The following NPAS3 variants were observed in gnomAD, a reference collection of about 807,000 sequenced individuals.
NPAS3 encodes the protein neuronal PAS domain-containing protein 3.
NPAS3 carries 14 observed loss-of-function variants against 73.1 expected under a neutral mutation model. That is an observed-to-expected ratio of 0.19 (90% CI 0.13 to 0.30). The LOEUF is 0.30. NPAS3 is among the 10% of genes least tolerant of loss of function. NPAS3 has a pLI of 1.00. For missense variants in NPAS3, 1,096 were observed against 1,250.0 expected (o/e 0.88, Z 1.86); for synonymous variants, 620 against 541.5 (o/e 1.14, Z -2.01).
intron 3 of NPAS3, among the ~76,000 whole-genome samples, chr14:33,220,466 A>G (rs764598486): frequency 7.2e-5 from 11 of 152,182 alleles, no homozygotes; most frequent in African/African-American, 7.2e-5. Flanking sequence ...ACTTTTGTAT[A>G]TTTCTAATGA....
At position 33,394,087 on chromosome 14, in the gene NPAS3, G is replaced by C. The variant is rs958252966; in HGVS notation, c.468+26819G>C. On this transcript the variant is annotated intron_variant, in intron 4 of 11. Transcript: ENST00000356141. The stretch of plus-strand genomic sequence containing the variant: ...CTTCTTTAAACAAACATTGTCTATG[G>C]TAATGTGATGCCCTGATGGATGGGA... Among the ~76,000 whole-genome samples the C allele has an allele frequency of 1.6e-4, 25 of 152,236 alleles. 2 individuals are homozygous for C. The highest frequency in any genetic ancestry group is 1.6e-3 in the Admixed American group (24 of 15,282).
chr14:33,212,552 G>A (rs1000741776), intron 2 of NPAS3, among the ~76,000 whole-genome samples: 10 of 152,144 alleles, frequency 6.6e-5, no homozygotes, highest in African/African-American at 2.2e-4. Flanking sequence ...GGCATCCAAA[G>A]ACATTAGTGT....
chr14:33,678,168 A>G (rs1179734838), intron 6 of NPAS3, among the ~76,000 whole-genome samples: 1 of 152,190 alleles, frequency 6.6e-6, no homozygotes, highest in Non-Finnish European at 1.5e-5. Flanking sequence ...CAGCAAAACC[A>G]GCAGGCAGCC....
intron 4 of NPAS3, among the ~76,000 whole-genome samples, chr14:33,455,895 G>A (rs2050001719): frequency 6.6e-6 from 1 of 152,140 alleles, no homozygotes. Context: ...AACAGCAATG[G>A]GAATTCAAGA....
intron 2 of NPAS3, among the ~76,000 whole-genome samples, chr14:33,176,411 C>T (rs2045591764): frequency 1.3e-5 from 2 of 152,184 alleles, no homozygotes; most frequent in Admixed American, 1.3e-4. Flanking sequence ...AACTTCTAAT[C>T]TACTTTTTCT....
At chr14:33,541,096 G>GT in intron 4 of NPAS3, among the ~76,000 whole-genome samples, 1 of 142,858 alleles carries the variant, frequency 7.0e-6, no homozygotes, top group African/African-American at 2.7e-5. Flanking sequence ...TATGTTTAGA[G>GT]GTGTGTGTGT....
At chr14:33,165,551 G>A (rs2045102572) in intron 2 of NPAS3, among the ~76,000 whole-genome samples, 1 of 152,010 alleles carries the variant, frequency 6.6e-6, no homozygotes, top group African/African-American at 2.4e-5. Flanking sequence ...ATAAAACAAG[G>A]TTAGTAGAAT....
chr14:33,578,831 C>T (rs1030373913), intron 5 of NPAS3, among the ~76,000 whole-genome samples: 4 of 151,748 alleles, frequency 2.6e-5, no homozygotes, highest in Non-Finnish European at 4.4e-5. Flanking sequence ...CAGGGGAAAA[C>T]AAAACAAAAC....
chr14:33,207,550 A>G (rs1402896140), intron 2 of NPAS3, among the ~76,000 whole-genome samples: 1 of 152,194 alleles, frequency 6.6e-6, no homozygotes, highest in East Asian at 1.9e-4. Context: ...TTTTTAATGT[A>G]TAAGATTTCA....
chr14:33,481,001 G>A (rs181734281), intron 4 of NPAS3, among the ~76,000 whole-genome samples: 49 of 152,112 alleles, frequency 3.2e-4, no homozygotes, highest in Middle Eastern at 3.4e-3. Context: ...AGCCTCATGC[G>A]TCCCCGTTTA....
chr14:33,103,457 A>C (rs1169822583), intron 2 of NPAS3, among the ~76,000 whole-genome samples: 2 of 152,162 alleles, frequency 1.3e-5, no homozygotes, highest in Non-Finnish European at 2.9e-5. Flanking sequence ...TTTATTCTAC[A>C]TATTTAGGCT....
At chr14:33,119,209 A>G (rs2043155619) in intron 2 of NPAS3, among the ~76,000 whole-genome samples, 1 of 152,104 alleles carries the variant, frequency 6.6e-6, no homozygotes, top group African/African-American at 2.4e-5. Context: ...AATTTATTTT[A>G]GGTTAGGACA....
At chr14:33,412,167 G>A (rs2047957141) in intron 4 of NPAS3, among the ~76,000 whole-genome samples, 1 of 152,094 alleles carries the variant, frequency 6.6e-6, no homozygotes, top group Admixed American at 6.5e-5. Context: ...CCCCCAGGCT[G>A]GAATGCAGTG....
At chr14:33,328,719 AG>A (rs1377405782) in intron 3 of NPAS3, among the ~76,000 whole-genome samples, 4 of 151,664 alleles carry the variant, frequency 2.6e-5, no homozygotes, top group African/African-American at 9.7e-5. Flanking sequence ...GGCCTCCCAA[AG>A]GGTTTACCTT....
intron 3 of NPAS3, among the ~76,000 whole-genome samples, chr14:33,327,869 A>G (rs889828353): frequency 1.2e-4 from 18 of 152,234 alleles, no homozygotes; most frequent in African/African-American, 4.3e-4. Flanking sequence ...AGTGCATTTC[A>G]AAAAGATACC....
At chr14:33,373,335 ATTG>A (rs1207845179) in intron 4 of NPAS3, among the ~76,000 whole-genome samples, 1 of 151,864 alleles carries the variant, frequency 6.6e-6, no homozygotes, top group Non-Finnish European at 1.5e-5. Context: ...GTACATGGAA[ATTG>A]TTAAGGTTTA....
chr14:33,662,181 G>A lies in NPAS3; in HGVS notation c.559-14030G>A, dbSNP rs767222768. On this transcript the variant is annotated intron_variant, in intron 5 of 11. Coordinates refer to ENST00000356141, the Ensembl canonical transcript of NPAS3. Reference sequence around the variant, plus strand: ...CTCAGCCATGCCACCATATCTAGACGGCATGGAAATGCGCAGCTAGACAAG... The same window carrying A: ...CTCAGCCATGCCACCATATCTAGACAGCATGGAAATGCGCAGCTAGACAAG... Among the ~76,000 whole-genome samples the A allele has an allele frequency of 2.7e-4, 41 of 152,126 alleles. 2 individuals carry two copies. Among genetic ancestry groups the A allele is most frequent in the African/African-American group, 8.7e-4 (36 of 41,424 alleles).
At chr14:33,216,102 A>G (rs767694649) in intron 3 of NPAS3, among the ~76,000 whole-genome samples, 1 of 152,150 alleles carries the variant, frequency 6.6e-6, no homozygotes, top group Non-Finnish European at 1.5e-5. Context: ...GCATTTAAAT[A>G]TGCATGGATA....
intron 7 of NPAS3, among the ~76,000 whole-genome samples, chr14:33,773,605 C>A (rs1163482430): frequency 2.6e-5 from 4 of 152,144 alleles, no homozygotes; most frequent in African/African-American, 7.2e-5. Context: ...GGCCAAGAAA[C>A]TGAAAATTAC....
Sources: gnomAD v4.1 joint callset for allele counts (sites outside exome capture counted in the v4.1 genomes callset) on GRCh38, gnomAD v4.1.1 for gene constraint, MANE v1.5 for transcripts, NCBI Gene and HGNC (gene_info 2026-07-23, HGNC 2026-07-21) for gene names.